ADAM20: variants seen among roughly 807,000 people sequenced by gnomAD.
The protein encoded by ADAM20 is ADAM metallopeptidase domain 20.
For missense variants in ADAM20, 871 were observed against 883.2 expected, an observed-to-expected ratio of 0.99 and a Z score of 0.18; for synonymous variants, 305 against 310.2, an observed-to-expected ratio of 0.98 and a Z score of 0.18.
upstream of ADAM20, among the ~76,000 whole-genome samples, chr14:70,536,810 C>T (rs1420987312): frequency 1.3e-5 from 2 of 151,944 alleles, no homozygotes; most frequent in African/African-American, 4.8e-5. Context: ...CCAAGATAAC[C>T]TCCCCTCCAG....
the ADAM20 span, among the ~76,000 whole-genome samples, chr14:70,543,372 G>A: frequency 3.9e-5 from 6 of 152,192 alleles, no homozygotes; most frequent in Admixed American, 3.9e-4. Context: ...GTAGCATTTT[G>A]CTTAATTATT....
the ADAM20 span, among the ~76,000 whole-genome samples, chr14:70,545,561 A>T: frequency 7.2e-5 from 11 of 152,238 alleles, no homozygotes; most frequent in Non-Finnish European, 2.9e-5. Context: ...AAAAAGAGCA[A>T]GAGTCACTAT....
chr14:70,541,416 G>C, the ADAM20 span, among the ~76,000 whole-genome samples: 1 of 152,160 alleles, frequency 6.6e-6, no homozygotes, highest in Non-Finnish European at 1.5e-5. Context: ...GGTTAAGCGA[G>C]TTTTGAAAAG....
chr14:70,522,850 C>T lies in ADAM20; in HGVS notation c.1908G>A (p.Gln636=), dbSNP rs781741105. The change falls in exon 2 of 2, where the codon CAG becomes CAA. Residue 636 remains glutamine, a synonymous_variant. Coordinates refer to ENST00000256389, the MANE Select transcript of ADAM20 (RefSeq NM_003814.5). The stretch of plus-strand genomic sequence containing the variant: ...TTCCCCTCATGTTGCAGGTCTTAGG[C>T]TGACAGGCTTGTGACAGATGAACCA... The part of the protein sequence containing the change: ...ASMVHLSQAC[Q]PKTCNMRGIC... 1.9e-6 allele frequency: 3 copies of T among 1,614,088 alleles called. No individual in the cohort carries two copies. In the Admixed American group the frequency reaches 5.0e-5, roughly 27 times the overall value.
chr14:70,523,135 G>A lies in ADAM20; in HGVS notation c.1623C>T (p.Phe541=), dbSNP rs749257120. The A allele has an allele frequency of 2.5e-5, 40 of 1,613,866 alleles. No individual in the cohort carries two copies. Among genetic ancestry groups the A allele is most frequent in the Middle Eastern group, 1.6e-4 (1 of 6,080 alleles). ...TTGTGCCTACAATACCACAGTGACC[G>A]AAACGGTTTCCTTGGGTGTTGATTT... ...YQEINTQGNR[F]GHCGIVGTTY... is the part of the protein sequence containing the mutation. The change falls in exon 2 of 2, where the codon TTC becomes TTT. Residue 541 remains phenylalanine, a synonymous_variant. Transcript: ENST00000256389.
At chr14:70,574,211 A>G in the ADAM20 span, among the ~76,000 whole-genome samples, 1 of 152,254 alleles carries the variant, frequency 6.6e-6, no homozygotes, top group Non-Finnish European at 1.5e-5. Context: ...CAAACGTGGA[A>G]ATTAATACTC....
the ADAM20 span, among the ~76,000 whole-genome samples, chr14:70,555,044 C>A: frequency 4.4e-4 from 67 of 152,294 alleles, no homozygotes; most frequent in African/African-American, 1.6e-3. Context: ...GTTACGAAGT[C>A]ATTTACGGTG....
At chr14:70,567,167 C>A in the ADAM20 span, among the ~76,000 whole-genome samples, 1 of 152,164 alleles carries the variant, frequency 6.6e-6, no homozygotes, top group East Asian at 1.9e-4. Flanking sequence ...CTCCCCTGAC[C>A]CAAACTGAGA....
chr14:70,579,014 T>C, the ADAM20 span, among the ~76,000 whole-genome samples: 1 of 152,172 alleles, frequency 6.6e-6, no homozygotes, highest in Non-Finnish European at 1.5e-5. Flanking sequence ...GCAAAGGACA[T>C]TATTTGATTC....
In ADAM20 at chr14:70,524,823, G is replaced by C. The variant is rs780748159; in HGVS notation, c.-66C>G. On this transcript the variant is annotated 5_prime_UTR_variant, in exon 2 of 2. Transcript: ENST00000256389. Reference sequence around the variant, plus strand: ...GAGAACAAGGTGTGAGGCACTGCTGGTCTGGCTCCTCCCTCTGAGCTGTTC... The same window carrying C: ...GAGAACAAGGTGTGAGGCACTGCTGCTCTGGCTCCTCCCTCTGAGCTGTTC... 2.5e-6 allele frequency: 4 copies of C among 1,613,306 alleles called. No individual in the cohort carries two copies. The South Asian group carries it at 3.3e-5, about 13-fold the overall frequency.
the ADAM20 span, among the ~76,000 whole-genome samples, chr14:70,562,268 T>C: frequency 6.6e-6 from 1 of 152,254 alleles, no homozygotes; most frequent in African/African-American, 2.4e-5. Flanking sequence ...CAGAAGTGCA[T>C]GCGGCCTATA....
intron 1 of ADAM20, among the ~76,000 whole-genome samples, chr14:70,527,528 A>G (rs1169193865): frequency 1.3e-5 from 2 of 152,172 alleles, no homozygotes; most frequent in Non-Finnish European, 2.9e-5. Flanking sequence ...GACAAGAATC[A>G]CTTACCAGCA....
At chr14:70,547,115 T>C in the ADAM20 span, among the ~76,000 whole-genome samples, 1 of 152,216 alleles carries the variant, frequency 6.6e-6, no homozygotes, top group Non-Finnish European at 1.5e-5. Context: ...TTTAAATTCC[T>C]AGACACACAC....
In ADAM20 at chr14:70,524,263, A is replaced by ATCATCAC; in HGVS notation, c.488_494dup (p.Asp165GlufsTer2). ...CACATCTCATAGGTGGAAACTGTGTATCATCACTGTCTATCTTATATACTA... is the reference window on the plus strand; with the variant it reads ...CACATCTCATAGGTGGAAACTGTGTATCATCACTCATCACTGTCTATCTTATATACTA... On this transcript the variant is annotated stop_gained and frameshift_variant, in exon 2 of 2. Transcript: ENST00000256389. LOFTEE classifies it low-confidence loss of function (END_TRUNC). The ATCATCAC allele has an allele frequency of 6.2e-7, 1 of 1,614,000 alleles. No homozygotes were observed. Among genetic ancestry groups the ATCATCAC allele is most frequent in the Non-Finnish European group, 8.5e-7 (1 of 1,179,934 alleles).
chr14:70,569,008 A>C, the ADAM20 span, among the ~76,000 whole-genome samples: 14 of 152,084 alleles, frequency 9.2e-5, no homozygotes, highest in African/African-American at 3.4e-4. Flanking sequence ...ACAAAAAAAA[A>C]CCTTAAAGGT....
At chr14:70,534,082 C>CAAAAAA (rs59828723) in intron 1 of ADAM20, among the ~76,000 whole-genome samples, 5 of 54,062 alleles carry the variant, frequency 9.2e-5, no homozygotes, top group African/African-American at 1.2e-4. Flanking sequence ...GACCCTGTCT[C>CAAAAAA]AAAAAAAAAA....
the ADAM20 span, among the ~76,000 whole-genome samples, chr14:70,555,946 G>A: frequency 6.6e-6 from 1 of 152,146 alleles, no homozygotes; most frequent in South Asian, 2.1e-4. Flanking sequence ...ACGGACCAAG[G>A]ACGAGAAACC....
chr14:70,532,236 T>C (rs1370591962), intron 1 of ADAM20, among the ~76,000 whole-genome samples: 1 of 151,768 alleles, frequency 6.6e-6, no homozygotes, highest in South Asian at 2.1e-4. Context: ...GGGGGAAAAA[T>C]AGTCTCTTCC....
chr14:70,532,419 T>C (rs1883732796), intron 1 of ADAM20, among the ~76,000 whole-genome samples: 1 of 152,032 alleles, frequency 6.6e-6, no homozygotes, highest in Admixed American at 6.6e-5. Context: ...TTTGCAATGA[T>C]TTCTTGGGCA....
Sources: allele counts gnomAD v4.1 joint callset (sites outside exome capture counted in the v4.1 genomes callset), GRCh38; gene constraint gnomAD v4.1.1; transcripts MANE v1.5; gene names NCBI Gene and HGNC (gene_info 2026-07-23, HGNC 2026-07-21).